PDCD6: variants seen among roughly 807,000 people sequenced by gnomAD.
PDCD6 encodes programmed cell death protein 6.
PDCD6 carries 12 observed loss-of-function variants against 28.3 expected under a neutral mutation model. The observed-to-expected ratio is 0.42, with a 90% confidence interval of 0.27 to 0.69. The LOEUF (loss-of-function observed/expected upper bound fraction) is 0.69. Ranked by LOEUF, PDCD6 falls within the 30% of genes least tolerant of loss-of-function variation. PDCD6 has a pLI of 0.22. For missense variants in PDCD6, 226 were observed against 269.9 expected, an observed-to-expected ratio of 0.84 and a Z score of 1.14; for synonymous variants, 92 against 108.0, an observed-to-expected ratio of 0.85 and a Z score of 0.92.
At chr5:291,052 CAT>C (rs1561039017) in intron 2 of PDCD6, among the ~76,000 whole-genome samples, 2 of 152,186 alleles carry the variant, frequency 1.3e-5, no homozygotes. Flanking sequence ...TCTCAAGAAA[CAT>C]AACTGTGGAT....
At position 307,373 on chromosome 5, in the gene PDCD6, C is replaced by T. The variant is rs1256603944; in HGVS notation, c.367+613C>T. Among the ~76,000 whole-genome samples the T allele has an allele frequency of 6.8e-5, 10 of 148,142 alleles. No homozygotes were observed. Among genetic ancestry groups the T allele is most frequent in the Non-Finnish European group, 1.2e-4 (8 of 66,624 alleles). On this transcript the variant is annotated intron_variant, in intron 4 of 5. Transcript: ENST00000264933. This position sits in a 1 kb window ranked among gnomAD's most constrained non-coding sequence, Gnocchi z 6.1. ...TCGGCGTGTGTGTGCACACGTGTGC[C>T]GTGCGCCTCAGAAGGGGCGTTAGGC...
chr5:286,377 T>G (rs1322995655), intron 2 of PDCD6, among the ~76,000 whole-genome samples: 133 of 124,612 alleles, frequency 1.1e-3, no homozygotes, highest in East Asian at 2.0e-3. Context: ...GATCCGGGGG[T>G]GAGCTGATGT....
At chr5:300,996 G>A (rs866535230) in intron 2 of PDCD6, among the ~76,000 whole-genome samples, 49 of 152,318 alleles carry the variant, frequency 3.2e-4, no homozygotes, top group African/African-American at 1.2e-3. Flanking sequence ...CCTGCGCTGC[G>A]GCGTTAACAT....
chr5:284,822 C>T (rs973529936), intron 2 of PDCD6, among the ~76,000 whole-genome samples: 2 of 151,002 alleles, frequency 1.3e-5, no homozygotes, highest in Admixed American at 1.3e-4. Flanking sequence ...CAACTGGAGA[C>T]CCGGGGGGGA....
At chr5:288,746 TA>T in intron 2 of PDCD6, 1 of 581,866 alleles carries the variant, frequency 1.7e-6, no homozygotes, top group Non-Finnish European at 2.8e-6. Flanking sequence ...CTTGTAAAAC[TA>T]AACGTGGACT....
chr5:294,764 A>G (rs915518635), intron 2 of PDCD6, among the ~76,000 whole-genome samples: 1 of 152,238 alleles, frequency 6.6e-6, no homozygotes, highest in African/African-American at 2.4e-5. Context: ...CTCATTCCTC[A>G]TTGCCAATAA....
At position 272,021 on chromosome 5, in the gene PDCD6, C is replaced by T. The variant is rs371742568; in HGVS notation, c.101+200C>T. Among the ~76,000 whole-genome samples the T allele has an allele frequency of 2.7e-4, 41 of 151,958 alleles. No individual in the cohort carries two copies. In the East Asian group the frequency reaches 2.9e-3, roughly 11 times the overall value. ...CAGCCGACGCGGCCGCCCCCGTCCC[C>T]TGGCGGGTCCCCCGCGGTCTCCCCC... On this transcript the variant is annotated intron_variant, in intron 1 of 5. Transcript: ENST00000264933.
At chr5:309,420 A>G (rs1162704926) in intron 4 of PDCD6, 1 of 158,016 alleles carries the variant, frequency 6.3e-6, no homozygotes, top group Non-Finnish European at 1.4e-5. Flanking sequence ...TTTTCCCTTC[A>G]CTATTACTGA....
chr5:299,160 TC>T (rs1201245360), intron 2 of PDCD6, among the ~76,000 whole-genome samples: 1 of 1,916 alleles, frequency 5.2e-4, no homozygotes, highest in East Asian at 0.019. Context: ...CCCCAACTGC[TC>T]CCCCCAGCTG....
At chr5:272,676 G>C (rs765396780) in intron 1 of PDCD6, 35 bp from the exon 2 acceptor site, 1 of 1,552,508 alleles carries the variant, frequency 6.4e-7, no homozygotes, top group East Asian at 2.3e-5. Context: ...CTGAACTTTC[G>C]ATCGCCAGCT....
chr5:277,301 ATTTTTTTTT>A (rs74799424), intron 2 of PDCD6, among the ~76,000 whole-genome samples: 1 of 86,204 alleles, frequency 1.2e-5, no homozygotes, highest in Non-Finnish European at 2.2e-5. Flanking sequence ...AATTTTTTGT[ATTTTTTTTT>A]TTTTTTTTTT....
intron 2 of PDCD6, chr5:289,181 C>T (rs1359530925): frequency 4.4e-6 from 4 of 917,126 alleles, no homozygotes; most frequent in Non-Finnish European, 6.6e-6. Flanking sequence ...TGTTGTTGTA[C>T]TTAAATTTTA....
At chr5:287,983 C>T (rs1739081211) in intron 2 of PDCD6, among the ~76,000 whole-genome samples, 1 of 152,126 alleles carries the variant, frequency 6.6e-6, no homozygotes, top group Non-Finnish European at 1.5e-5. Flanking sequence ...AACATTTGAA[C>T]ACAATTTCCA....
At chr5:275,876 C>G in intron 2 of PDCD6, 1 of 458,254 alleles carries the variant, frequency 2.2e-6, no homozygotes, top group East Asian at 7.5e-5. Context: ...CACCGTGGCC[C>G]TGTGTTTTTC....
At chr5:278,886 A>G (rs1738383831) in intron 2 of PDCD6, among the ~76,000 whole-genome samples, 2 of 149,602 alleles carry the variant, frequency 1.3e-5, no homozygotes, top group Non-Finnish European at 3.0e-5. Context: ...GGCTGGGGAC[A>G]TGGGAGGGGC....
intron 2 of PDCD6, among the ~76,000 whole-genome samples, chr5:273,935 GTTTT>G (rs34990391): frequency 1.9e-4 from 28 of 146,192 alleles, no homozygotes; most frequent in African/African-American, 6.0e-4. Context: ...TTAAATCCTC[GTTTT>G]TTTTTTTTTT....
rs539146574 is a variant in PDCD6 at position 280,494 on chromosome 5, G to T, written c.163+7722G>T. ...GGGGAGACCATAGACCGAAGTAGAG[G>T]GCAGGGCTGTGCTGGGCACTGTGGG... is the stretch of plus-strand genomic sequence containing the variant. On this transcript the variant is annotated intron_variant, in intron 2 of 5. Coordinates refer to ENST00000264933, the MANE Select transcript of PDCD6 (RefSeq NM_013232.4). 1.4e-4 allele frequency among the ~76,000 whole-genome samples: 21 copies of T among 151,910 alleles called. No homozygotes were observed. The South Asian group carries it at 4.2e-3, about 30-fold the overall frequency.
At chr5:273,935 G>T (rs1455171980) in intron 2 of PDCD6, among the ~76,000 whole-genome samples, 2 of 146,196 alleles carry the variant, frequency 1.4e-5, no homozygotes, top group African/African-American at 2.5e-5. Flanking sequence ...TTAAATCCTC[G>T]TTTTTTTTTT....
intron 2 of PDCD6, chr5:277,018 T>G: frequency 2.2e-6 from 2 of 891,310 alleles, no homozygotes; most frequent in Non-Finnish European, 2.7e-6. Flanking sequence ...AGAAATTAAC[T>G]TTGTGCTTCT....
Sources: gnomAD v4.1 joint callset for allele counts (sites outside exome capture counted in the v4.1 genomes callset) on GRCh38, gnomAD v4.1.1 for gene constraint, Gnocchi (gnomAD v3.1) non-coding constraint, MANE v1.5 for transcripts, NCBI Gene and HGNC (gene_info 2026-07-23, HGNC 2026-07-21) for gene names.